IL10RA: variants seen among roughly 807,000 people sequenced by gnomAD.
The protein encoded by IL10RA is interleukin 10 receptor subunit alpha, also known as interleukin-10 receptor subunit alpha.
Under a neutral mutation model 29.6 loss-of-function variants are expected in IL10RA, and 18 were observed. The ratio of observed to expected loss-of-function variants is 0.61; its 90% CI spans 0.42 to 0.90. The LOEUF (loss-of-function observed/expected upper bound fraction) is 0.90. IL10RA is among the 40% of genes least tolerant of loss of function. The pLI, the probability that IL10RA is intolerant of heterozygous loss-of-function variation, is 0.00. For missense variants in IL10RA, 634 were observed against 716.6 expected (o/e 0.88, Z 1.32); for synonymous variants, 292 against 294.1 (o/e 0.99, Z 0.07).
intron 3 of IL10RA, among the ~76,000 whole-genome samples, chr11:117,992,494 C>T (rs116904998): frequency 0.015 from 2,325 of 152,290 alleles, 25 homozygotes; most frequent in Middle Eastern, 0.048. Context: ...TGTATGTCTT[C>T]TTTTAACTGT....
intron 4 of IL10RA, 112 bp downstream of exon 4, chr11:117,993,522 G>C: frequency 1.1e-6 from 1 of 941,690 alleles, no homozygotes; most frequent in African/African-American, 1.6e-5. Context: ...TAAAGGGAGG[G>C]TCTGGGATGG....
At chr11:118,002,124 T>C (rs930414438), downstream of IL10RA, 1 of 152,602 alleles carries the variant, frequency 6.6e-6, no homozygotes, top group Admixed American at 6.5e-5. Flanking sequence ...ATCTGCACTC[T>C]ATTCTAGAAG....
chr11:117,990,538 A>G (rs1012975455), intron 3 of IL10RA, among the ~76,000 whole-genome samples: 4 of 152,222 alleles, frequency 2.6e-5, no homozygotes, highest in African/African-American at 4.8e-5. Flanking sequence ...GTGATATGTG[A>G]GAGATACATA....
rs757461404 is a variant in IL10RA at position 117,995,634 on chromosome 11, T to C, written c.734T>C (p.Leu245Pro). 6.1e-5 allele frequency: 99 copies of C among 1,614,092 alleles called. No individual in the cohort carries two copies. The highest frequency in any genetic ancestry group is 8.3e-5 in the Non-Finnish European group (98 of 1,180,038). Residue 245 changes from leucine to proline, a missense_variant, in exon 6 of 7, where the codon CTG (leucine) becomes CCG (proline). Transcript: ENST00000227752. ...NVIIFFAFVL[L>P]LSGALAYCLA... ...ATCATCTTCTTTGCCTTTGTCCTGC[T>C]GCTCTCCGGAGCCCTCGCCTACTGC...
rs2229115 is a variant in IL10RA at position 117,998,876 on chromosome 11, C to G, written c.972C>G (p.Thr324=). Residue 324 remains threonine, a synonymous_variant, in exon 7 of 7, where the codon ACC becomes ACG. Transcript: ENST00000227752. ...HGSTDSGFGS[T]KPSLQTEEPQ... ...GCACAGACAGTGGCTTTGGCAGCAC[C>G]AAGCCATCCCTGCAGACTGAAGAGC... 9.3e-6 allele frequency: 15 copies of G among 1,614,060 alleles called. No individual in the cohort carries two copies. The highest frequency in any genetic ancestry group is 1.7e-5 in the Admixed American group (1 of 60,012).
Position 117,988,485 on chromosome 11 carries a change from T to C in IL10RA, c.171T>C (p.Tyr57=). The change falls in exon 2 of 7, where the codon TAT becomes TAC. Residue 57 remains tyrosine, a synonymous_variant. Transcript: ENST00000227752. ...CAAATCAGTCTGAAAGTACCTGCTATGAAGTGGCGCTCCTGAGGTGAGGAA... is the reference window on the plus strand; with the variant it reads ...CAAATCAGTCTGAAAGTACCTGCTACGAAGTGGCGCTCCTGAGGTGAGGAA... ...PIPNQSESTC[Y]EVALLRYGIE... 1 of 1,614,056 alleles carries C rather than the reference T, an allele frequency of 6.2e-7. No homozygotes were observed. The highest frequency in any genetic ancestry group is 1.1e-5 in the South Asian group (1 of 91,078).
chr11:117,994,237 C>A, intron 5 of IL10RA, 88 bp downstream of exon 5: 1 of 1,158,100 alleles, frequency 8.6e-7, no homozygotes, highest in Non-Finnish European at 1.3e-6. Context: ...GATGCTGGTG[C>A]CAGCCACTGT....
At chr11:117,996,497 C>A (rs2058057637) in intron 6 of IL10RA, among the ~76,000 whole-genome samples, 1 of 152,238 alleles carries the variant, frequency 6.6e-6, no homozygotes, top group Non-Finnish European at 1.5e-5. Flanking sequence ...CCCACCATAG[C>A]CTCCATAGCT....
chr11:117,993,262 T>C lies in IL10RA; in HGVS notation c.389T>C (p.Val130Ala). 2 of 1,614,086 alleles carry C rather than the reference T, an allele frequency of 1.2e-6. No individual in the cohort carries two copies. The highest frequency in any genetic ancestry group is 3.3e-5 in the Admixed American group (2 of 60,022). The stretch of plus-strand genomic sequence containing the variant: ...TTAGTGACTCTGACAGTTGGCAGTG[T>C]GAACCTAGAGATCCACAATGGCTTC... ...VDEVTLTVGS[V>A]NLEIHNGFIL... The change falls in exon 4 of 7, where the codon GTG becomes GCG. Residue 130 changes from valine to alanine, a missense_variant. Coordinates refer to ENST00000227752, the MANE Select transcript of IL10RA (RefSeq NM_001558.4).
chr11:117,999,553 G>A lies in IL10RA; in HGVS notation c.1649G>A (p.Cys550Tyr), dbSNP rs761044558. ...GCCCATGACCTTGCCCCTCTAGGCT[G>A]TGTGGCAGCCCCAGGTGGTCTCCTG... ...SFAHDLAPLG[C>Y]VAAPGGLLGS... Residue 550 changes from cysteine to tyrosine, a missense_variant, in exon 7 of 7, where the codon TGT (cysteine) becomes TAT (tyrosine). Cys to Tyr is a radical substitution (Grantham distance 194, BLOSUM62 -2). Transcript: ENST00000227752. 2.6e-5 allele frequency: 42 copies of A among 1,614,200 alleles called. No homozygotes were observed. The East Asian group carries it at 9.1e-4, about 35-fold the overall frequency.
chr11:117,996,752 G>A (rs567304756), intron 6 of IL10RA, among the ~76,000 whole-genome samples: 2 of 152,292 alleles, frequency 1.3e-5, no homozygotes, highest in South Asian at 4.1e-4. Flanking sequence ...CACCATGCCT[G>A]GCTAATTTTT....
rs1464172368 is a variant in IL10RA, at chr11:118,001,376, G to A, written c.*1735G>A. ...ATGACTGACTTGTCTAATTCGTAGG[G>A]ATGTGAGGTTCTGCTGAGGAAATGG... On this transcript the variant is annotated 3_prime_UTR_variant, in exon 7 of 7. Transcript: ENST00000227752. 2.2e-6 allele frequency: 1 copy of A among 453,918 alleles called. No homozygotes were observed. Among genetic ancestry groups the A allele is most frequent in the Non-Finnish European group, 4.4e-6 (1 of 226,636 alleles). The allele number at this position is 453,918 out of a possible 1,614,324, so 28.1% of individuals were successfully genotyped here.
chr11:117,994,679 A>G (rs1412699397), intron 5 of IL10RA, among the ~76,000 whole-genome samples: 2 of 152,184 alleles, frequency 1.3e-5, no homozygotes, highest in Non-Finnish European at 2.9e-5. Flanking sequence ...GCCTAGGAGG[A>G]TCTTGCATCC....
At position 117,994,183 on chromosome 11, in the gene IL10RA, G is replaced by A. The variant is rs373592131; in HGVS notation, c.688+34G>A. 5.5e-5 allele frequency: 89 copies of A among 1,606,464 alleles called. 1 individual carries two copies. The South Asian group carries it at 6.2e-4, about 11-fold the overall frequency. On this transcript the variant is annotated intron_variant, in intron 5 of 6. Coordinates refer to ENST00000227752, the MANE Select transcript of IL10RA (RefSeq NM_001558.4). The stretch of plus-strand genomic sequence containing the variant: ...GCTGGGCTGCTCTCAGCATGGGGAG[G>A]GAGACTGGGAGGGCCTGGTGCAATC...
intron 6 of IL10RA, among the ~76,000 whole-genome samples, chr11:117,995,941 T>C (rs1162647673): frequency 6.6e-6 from 1 of 152,070 alleles, no homozygotes; most frequent in Non-Finnish European, 1.5e-5. Flanking sequence ...ATGAGACACA[T>C]GGAATCACAA....
At chr11:117,988,344 C>T (rs1190407517) in intron 1 of IL10RA, 38 bp from the exon 2 acceptor site, 12 of 1,613,272 alleles carry the variant, frequency 7.4e-6, no homozygotes, top group Non-Finnish European at 1.0e-5. Context: ...AATGCCTGCC[C>T]CCCCTCCCAG....
intron 1 of IL10RA, 133 bp from the exon 2 acceptor site, chr11:117,988,247 ACT>A (rs1333690395): frequency 2.9e-6 from 3 of 1,037,072 alleles, no homozygotes; most frequent in Non-Finnish European, 4.5e-6. Flanking sequence ...TCATGTGCCC[ACT>A]CTGCCCCTTA....
At chr11:117,987,383 A>G (rs1421642061) in intron 1 of IL10RA, 2 of 163,972 alleles carry the variant, frequency 1.2e-5, no homozygotes, top group African/African-American at 4.8e-5. Flanking sequence ...TATAAGAAAG[A>G]AAGCAAGAGA....
intron 1 of IL10RA, 56 bp from the exon 2 acceptor site, chr11:117,988,326 G>C: frequency 6.2e-7 from 1 of 1,610,724 alleles, no homozygotes; most frequent in Non-Finnish European, 8.5e-7. Flanking sequence ...GGTAAAATTG[G>C]GGTCATCAAT....
Sources: allele counts gnomAD v4.1 joint callset (sites outside exome capture counted in the v4.1 genomes callset), GRCh38; gene constraint gnomAD v4.1.1; transcripts MANE v1.5; gene names NCBI Gene and HGNC (gene_info 2026-07-23, HGNC 2026-07-21).